The following TP53BP2 variants were observed in gnomAD, a reference collection of about 807,000 sequenced individuals.
TP53BP2 encodes tumor protein p53 binding protein 2.
In TP53BP2, 62 loss-of-function variants were observed where a neutral mutation model predicts 126.2. The observed-to-expected ratio is 0.49, with a 90% CI of 0.40 to 0.61. The LOEUF (loss-of-function observed/expected upper bound fraction) is 0.61. TP53BP2 is among the 20% of genes least tolerant of loss of function. The pLI is 0.00. For synonymous variants in TP53BP2, 485 were observed against 502.9 expected (o/e 0.96, Z 0.48); for missense variants, 1,215 against 1,402.8 (o/e 0.87, Z 2.14).
At chr1:223,816,736 T>C (rs909012109) in intron 2 of TP53BP2, among the ~76,000 whole-genome samples, 8 of 152,050 alleles carry the variant, frequency 5.3e-5, no homozygotes, top group Non-Finnish European at 1.0e-4. Context: ...AATCTGACAA[T>C]ATATATTACA....
chr1:223,809,003 G>T (rs532527228), intron 4 of TP53BP2, among the ~76,000 whole-genome samples: 1 of 152,130 alleles, frequency 6.6e-6, no homozygotes, highest in East Asian at 1.9e-4. Context: ...TAAAACTCTG[G>T]TGGGCATGTA....
chr1:223,838,029 T>C (rs73131164), intron 1 of TP53BP2, among the ~76,000 whole-genome samples: 5,065 of 152,028 alleles, frequency 0.033, 278 homozygotes, highest in African/African-American at 0.12. Flanking sequence ...CTGCAAATCT[T>C]CACAGGACCA....
chr1:223,807,056 A>G, intron 4 of TP53BP2, 109 bp from the exon 5 acceptor site: 1 of 687,196 alleles, frequency 1.5e-6, no homozygotes, highest in Non-Finnish European at 2.4e-6. Flanking sequence ...AACTATGACA[A>G]AATTATTTAG....
At chr1:223,830,168 G>A (rs1006217379) in intron 1 of TP53BP2, among the ~76,000 whole-genome samples, 1 of 152,076 alleles carries the variant, frequency 6.6e-6, no homozygotes, top group East Asian at 1.9e-4. Context: ...GAAGTGTCTC[G>A]TATTTCAGAA....
At chr1:223,788,539 G>GA (rs908708412) in intron 16 of TP53BP2, among the ~76,000 whole-genome samples, 1 of 151,996 alleles carries the variant, frequency 6.6e-6, no homozygotes, top group African/African-American at 2.4e-5. Context: ...AAACAAAAGA[G>GA]AAAAAAATAA....
intron 2 of TP53BP2, among the ~76,000 whole-genome samples, chr1:223,818,043 T>C (rs964082294): frequency 6.6e-6 from 1 of 152,114 alleles, no homozygotes; most frequent in East Asian, 1.9e-4. Context: ...TGCTACTGTT[T>C]ACATAAAGGA....
At chr1:223,811,547 TA>T (rs1662907507) in intron 3 of TP53BP2, among the ~76,000 whole-genome samples, 1 of 152,312 alleles carries the variant, frequency 6.6e-6, no homozygotes, top group South Asian at 2.1e-4. Context: ...AAAACTTCTA[TA>T]ATTTCAGAAT....
At chr1:223,781,201 G>A (rs1474720066) in intron 17 of TP53BP2, among the ~76,000 whole-genome samples, 4 of 150,740 alleles carry the variant, frequency 2.7e-5, no homozygotes, top group Non-Finnish European at 5.9e-5. Flanking sequence ...GCTGTAAATC[G>A]GCTCTATGTA....
rs138959278 is a variant in TP53BP2, at chr1:223,802,318, C to T, written c.1023G>A (p.Gln341=). The T allele has an allele frequency of 6.2e-7, 1 of 1,613,998 alleles. No homozygotes were observed. Among genetic ancestry groups the T allele is most frequent in the African/African-American group, 1.3e-5 (1 of 74,924 alleles). The stretch of plus-strand genomic sequence containing the variant: ...CACGGCTTGGGGCTGACGCGGCTTG[C>T]TGGGGAAGATTTCCATCAGATGAAA... ...LPVSSDGNLP[Q]QAASAPSRVA... The change falls in exon 9 of 18, where the codon CAG becomes CAA. Residue 341 remains glutamine, a synonymous_variant. Transcript: ENST00000343537.
chr1:223,831,500 T>C (rs1242527561), intron 1 of TP53BP2, among the ~76,000 whole-genome samples: 1 of 130,434 alleles, frequency 7.7e-6, no homozygotes. Flanking sequence ...TATATATATA[T>C]ATATATATAT....
chr1:223,842,947 C>T (rs1268775419), intron 1 of TP53BP2, among the ~76,000 whole-genome samples: 1 of 152,212 alleles, frequency 6.6e-6, no homozygotes, highest in African/African-American at 2.4e-5. Flanking sequence ...ACTAGAGATA[C>T]TAACAATGGC....
In TP53BP2 at chr1:223,795,963, G is replaced by A. The variant is rs775377315; in HGVS notation, c.2576C>T (p.Pro859Leu). Reference sequence around the variant, plus strand: ...CACATCAAGCACATGTGGAGCCTCTGGATTTGGTTCTTCTGGGTTATTCTG... The same window carrying A: ...CACATCAAGCACATGTGGAGCCTCTAGATTTGGTTCTTCTGGGTTATTCTG... Reference protein sequence around the residue: ...NLQNNPEEPNPEAPHVLDVYL... With the variant: ...NLQNNPEEPNLEAPHVLDVYL... Residue 859 changes from proline (P) to leucine (L), a missense_variant, in exon 13 of 18, where the codon CCA (proline) becomes CTA (leucine). This residue lies in a region of TP53BP2 where 204 missense variants were observed against 225.7 expected (regional missense o/e 0.90). Coordinates refer to ENST00000343537, the MANE Select transcript of TP53BP2 (RefSeq NM_001031685.3). 6 of 1,614,144 alleles carry A rather than the reference G, an allele frequency of 3.7e-6. No individual in the cohort carries two copies. In the South Asian group the frequency reaches 4.4e-5, roughly 12 times the overall value.
At chr1:223,795,153 T>C (rs1662273973) in intron 13 of TP53BP2, among the ~76,000 whole-genome samples, 1 of 152,184 alleles carries the variant, frequency 6.6e-6, no homozygotes, top group African/African-American at 2.4e-5. Flanking sequence ...GGAAGGAGTG[T>C]AGAAGGTGCA....
Position 223,845,749 on chromosome 1 carries a change from G to A in TP53BP2, c.-69C>T, listed in dbSNP as rs1340011914. ...CCCGGAGGGTCGCGGATGCGGGGGA[G>A]GGGAGCGGAGAGCGAGGCCGCCCGG... is the stretch of plus-strand genomic sequence containing the variant. On this transcript the variant is annotated 5_prime_UTR_variant, in exon 1 of 18. Transcript: ENST00000343537. 2 of 1,428,048 alleles carry A rather than the reference G, an allele frequency of 1.4e-6. No homozygotes were observed. Among genetic ancestry groups the A allele is most frequent in the Non-Finnish European group, 9.2e-7 (1 of 1,088,038 alleles). The allele number at this position is 1,428,048 out of a possible 1,614,324, so 88.5% of individuals were successfully genotyped here.
intron 17 of TP53BP2, among the ~76,000 whole-genome samples, chr1:223,781,381 G>A (rs1353434492): frequency 6.6e-6 from 1 of 152,216 alleles, no homozygotes; most frequent in African/African-American, 2.4e-5. Flanking sequence ...CAGATTAAAA[G>A]TCTATAAATT....
rs1303147025 is a variant in TP53BP2 at position 223,821,165 on chromosome 1, C to T, written c.175+55G>A. On this transcript the variant is annotated intron_variant, in intron 2 of 17. Transcript: ENST00000343537. ...ATTCACACAGTGCCACGTCTACAAA[C>T]CAACATTAATAGAAGACAGAAGAAC... is the stretch of plus-strand genomic sequence containing the variant. 1.9e-6 allele frequency: 3 copies of T among 1,610,208 alleles called. No individual in the cohort carries two copies. In the African/African-American group the frequency reaches 4.0e-5, roughly 22 times the overall value.
intron 16 of TP53BP2, among the ~76,000 whole-genome samples, chr1:223,785,875 G>A (rs1017684004): frequency 6.6e-6 from 1 of 152,092 alleles, no homozygotes; most frequent in East Asian, 1.9e-4. Flanking sequence ...CAAAGAGAAC[G>A]TGGAGTAAAA....
rs1675993 is a variant in TP53BP2 at position 223,799,602 on chromosome 1, T to C, written c.1485+297A>G. Among the ~76,000 whole-genome samples the C allele has an allele frequency of 5.9e-3, 896 of 152,294 alleles. 12 individuals carry two copies. Among genetic ancestry groups the C allele is most frequent in the African/African-American group, 0.021 (856 of 41,546 alleles). On this transcript the variant is annotated intron_variant, in intron 11 of 17. Coordinates refer to ENST00000343537, the MANE Select transcript of TP53BP2 (RefSeq NM_001031685.3). ...TTCACCACACAAGCATTTTGTAACT[T>C]TGAAGAAATAAGATACTTGAACAAT...
rs28364803 is a variant in TP53BP2, at chr1:223,796,604, G to GAA, written c.1949-16_1949-15dup. ...GCTTACCATATACTAATTGGAAAAG[G>GAA]AAAAAAAAAAGCCCTCATTAGCATT... On this transcript the variant is annotated splice_polypyrimidine_tract_variant and intron_variant, in intron 12 of 17. Transcript: ENST00000343537. This position sits in a 1 kb window ranked among gnomAD's most constrained non-coding sequence, Gnocchi z 4.2. The GAA allele has an allele frequency of 2.1e-4, 292 of 1,416,530 alleles. 1 individual carries two copies. Among genetic ancestry groups the GAA allele is most frequent in the African/African-American group, 9.9e-4 (67 of 67,806 alleles). 87.7% of individuals were successfully genotyped at this position (1,416,530 alleles called of 1,614,324 possible).
Sources: gnomAD v4.1 joint callset for allele counts (sites outside exome capture counted in the v4.1 genomes callset) on GRCh38, gnomAD v4.1.1 for gene constraint, gnomAD v4.1.1 regional missense constraint, Gnocchi (gnomAD v3.1) non-coding constraint, MANE v1.5 for transcripts, NCBI Gene and HGNC (gene_info 2026-07-23, HGNC 2026-07-21) for gene names.